Variants in WDR25 observed in about 807,000 individuals in gnomAD.
WDR25 encodes WD repeat-containing protein 25.
In WDR25, 35 loss-of-function variants were observed where a neutral mutation model predicts 47.7. The ratio of observed to expected loss-of-function variants is 0.73; its 90% CI spans 0.56 to 0.97. The LOEUF (loss-of-function observed/expected upper bound fraction) is 0.97. WDR25 is among the 50% of genes least tolerant of loss of function. WDR25 has a pLI of 0.00. For synonymous variants in WDR25, 248 were observed against 278.9 expected, an observed-to-expected ratio of 0.89 and a Z score of 1.10; for missense variants, 634 against 704.7, an observed-to-expected ratio of 0.90 and a Z score of 1.14.
chr14:100,518,238 AT>A (rs1901573805), intron 4 of WDR25, among the ~76,000 whole-genome samples: 1 of 152,154 alleles, frequency 6.6e-6, no homozygotes, highest in Admixed American at 6.6e-5. Context: ...TTCCTGAAAG[AT>A]ATTTTTGCTG....
chr14:100,516,801 T>A (rs1901512605), intron 4 of WDR25, among the ~76,000 whole-genome samples: 1 of 152,236 alleles, frequency 6.6e-6, no homozygotes, highest in Admixed American at 6.5e-5. Flanking sequence ...TGGATCTTTT[T>A]AAATGTTAAT....
chr14:100,453,092 C>T (rs943357608), intron 2 of WDR25, among the ~76,000 whole-genome samples: 1 of 152,072 alleles, frequency 6.6e-6, no homozygotes, highest in Non-Finnish European at 1.5e-5. Context: ...AGGACCTCAG[C>T]ACTTTGGACC....
chr14:100,409,746 G>C (rs1000322270), intron 2 of WDR25, among the ~76,000 whole-genome samples: 3 of 152,224 alleles, frequency 2.0e-5, no homozygotes, highest in Non-Finnish European at 4.4e-5. Context: ...GTGTCCTAAT[G>C]CAAGTTAAGT....
At chr14:100,473,718 C>T (rs1899922337) in intron 3 of WDR25, among the ~76,000 whole-genome samples, 1 of 152,188 alleles carries the variant, frequency 6.6e-6, no homozygotes, top group Non-Finnish European at 1.5e-5. Flanking sequence ...AGCTCCTGGG[C>T]TTTGGAGAAG....
chr14:100,458,247 A>G (rs1899268315), intron 2 of WDR25, among the ~76,000 whole-genome samples: 1 of 152,244 alleles, frequency 6.6e-6, no homozygotes, highest in Non-Finnish European at 1.5e-5. Context: ...AACATAGACA[A>G]GAGCAGATTT....
At chr14:100,427,420 C>T (rs1159919643) in intron 2 of WDR25, among the ~76,000 whole-genome samples, 1 of 152,130 alleles carries the variant, frequency 6.6e-6, no homozygotes, top group Admixed American at 6.5e-5. Flanking sequence ...TGCATTGTAT[C>T]CCCAGCTTGA....
At chr14:100,496,825 A>ATTTTTTTTTTTTTTTTTTTTTTTTTTTTT (rs1900742794) in intron 4 of WDR25, among the ~76,000 whole-genome samples, 1 of 88,294 alleles carries the variant, frequency 1.1e-5, no homozygotes, top group Non-Finnish European at 2.2e-5. Context: ...TTTTTCTTTA[A>ATTTTTTTTTTTTTTTTTTTTTTTTTTTTT]TTCTTTTTTT....
At chr14:100,454,509 A>G in intron 2 of WDR25, 1 of 1,190,530 alleles carries the variant, frequency 8.4e-7, no homozygotes, top group Non-Finnish European at 1.1e-6. Context: ...TAACAACTAT[A>G]AACTGTACAA....
intron 2 of WDR25, among the ~76,000 whole-genome samples, chr14:100,416,331 G>C (rs527881412): frequency 5.9e-5 from 9 of 152,128 alleles, no homozygotes; most frequent in African/African-American, 2.2e-4. Flanking sequence ...CTATTATTAC[G>C]TATTCTCAAC....
At chr14:100,492,957 G>T (rs781174180) in intron 4 of WDR25, among the ~76,000 whole-genome samples, 1 of 152,056 alleles carries the variant, frequency 6.6e-6, no homozygotes, top group East Asian at 1.9e-4. Flanking sequence ...GACTACAGGC[G>T]CCTGCCACCA....
intron 2 of WDR25, among the ~76,000 whole-genome samples, chr14:100,448,302 G>C (rs933536305): frequency 1.3e-5 from 2 of 152,104 alleles, no homozygotes; most frequent in African/African-American, 4.8e-5. Context: ...AACAATGTCT[G>C]CATAGAAAAA....
In WDR25 at chr14:100,530,183, A is replaced by T; in HGVS notation, c.*142A>T. The T allele has an allele frequency of 1.2e-6, 1 of 861,200 alleles. No individual in the cohort carries two copies. Among genetic ancestry groups the T allele is most frequent in the Non-Finnish European group, 1.7e-6 (1 of 571,684 alleles). The allele number at this position is 861,200 out of a possible 1,614,324, so 53.3% of individuals were successfully genotyped here. On this transcript the variant is annotated 3_prime_UTR_variant, in exon 7 of 7. Transcript: ENST00000402312. ...TGAGCCTCAGTTTCCTCATCTGTAA[A>T]GTGGGGAGAAAAGTCTGTTTGCCTC...
chr14:100,409,656 A>G (rs1380672638), intron 2 of WDR25, among the ~76,000 whole-genome samples: 1 of 152,210 alleles, frequency 6.6e-6, no homozygotes, highest in Non-Finnish European at 1.5e-5. Flanking sequence ...ACATGGAGTA[A>G]CTTTCTACAG....
chr14:100,411,564 T>G (rs893554168), intron 2 of WDR25, among the ~76,000 whole-genome samples: 2 of 150,110 alleles, frequency 1.3e-5, no homozygotes, highest in Admixed American at 6.7e-5. Flanking sequence ...CGAGATAGAG[T>G]CTTGCTCTGT....
chr14:100,391,280 A>G (rs953618019), intron 2 of WDR25, among the ~76,000 whole-genome samples: 1 of 152,124 alleles, frequency 6.6e-6, no homozygotes. Context: ...AGCTTGAGCC[A>G]GTTTCAATTC....
chr14:100,488,530 A>G lies in WDR25; in HGVS notation c.1101+4406A>G, dbSNP rs1021525126. ...TCTGATTCACAATTTTTAAATTGGTATCGTAAAGTGGCAGGCCAAGCCACG... is the reference window on the plus strand; with the variant it reads ...TCTGATTCACAATTTTTAAATTGGTGTCGTAAAGTGGCAGGCCAAGCCACG... On this transcript the variant is annotated intron_variant, in intron 4 of 6. Transcript: ENST00000402312. The surrounding 1 kb of genome is among the most constrained non-coding windows in gnomAD (Gnocchi z 4.2). Among the ~76,000 whole-genome samples the G allele has an allele frequency of 4.6e-5, 7 of 152,142 alleles. No homozygotes were observed. The highest frequency in any genetic ancestry group is 7.3e-5 in the Non-Finnish European group (5 of 68,032).
At chr14:100,527,414 G>T (rs1023400488) in intron 5 of WDR25, among the ~76,000 whole-genome samples, 3 of 152,164 alleles carry the variant, frequency 2.0e-5, no homozygotes, top group Non-Finnish European at 4.4e-5. Context: ...ACTAATCTCT[G>T]AATTTAAAAC....
chr14:100,476,233 G>A (rs975834414), intron 3 of WDR25, among the ~76,000 whole-genome samples: 1 of 152,204 alleles, frequency 6.6e-6, no homozygotes, highest in African/African-American at 2.4e-5. Context: ...AGGCCCAGCT[G>A]GCTCTCAGGC....
intron 2 of WDR25, among the ~76,000 whole-genome samples, chr14:100,403,017 C>T (rs1029055552): frequency 2.7e-5 from 4 of 149,944 alleles, no homozygotes; most frequent in Admixed American, 1.3e-4. Flanking sequence ...TCTCGCTGAC[C>T]TCAGGGCTTC....
Sources: gnomAD v4.1 joint callset for allele counts (sites outside exome capture counted in the v4.1 genomes callset) on GRCh38, gnomAD v4.1.1 for gene constraint, Gnocchi (gnomAD v3.1) non-coding constraint, MANE v1.5 for transcripts, NCBI Gene and HGNC (gene_info 2026-07-23, HGNC 2026-07-21) for gene names.